The following ZFPM2 variants were observed in gnomAD, a reference collection of about 807,000 sequenced individuals.
ZFPM2 encodes zinc finger protein ZFPM2.
ZFPM2 carries 20 observed loss-of-function variants against 98.6 expected under a neutral mutation model. That is an observed-to-expected ratio of 0.20 (90% CI 0.14 to 0.29). The LOEUF (loss-of-function observed/expected upper bound fraction) is 0.29, where lower values mean the gene tolerates loss of function less well. ZFPM2 is among the 10% of genes least tolerant of loss of function. ZFPM2 has a pLI of 1.00. For synonymous variants in ZFPM2, 518 were observed against 502.7 expected (o/e 1.03, Z -0.41); for missense variants, 1,310 against 1,388.6 (o/e 0.94, Z 0.90).
chr8:105,709,742 A>T (rs1292020483), intron 5 of ZFPM2, among the ~76,000 whole-genome samples: 1 of 152,062 alleles, frequency 6.6e-6, no homozygotes, highest in East Asian at 1.9e-4. Context: ...TAAAGAAAAA[A>T]ATTTTAGGAA....
intron 1 of ZFPM2, among the ~76,000 whole-genome samples, chr8:105,412,397 A>G (rs1391222083): frequency 1.3e-5 from 2 of 151,890 alleles, no homozygotes; most frequent in Admixed American, 1.3e-4. Context: ...CAGTTGGTAC[A>G]GATATAAAAA....
At chr8:105,510,960 C>T (rs891369448) in intron 3 of ZFPM2, among the ~76,000 whole-genome samples, 9 of 152,142 alleles carry the variant, frequency 5.9e-5, no homozygotes, top group Admixed American at 5.2e-4. Context: ...CTTCAGAGTG[C>T]TTGGGTATCT....
intron 5 of ZFPM2, among the ~76,000 whole-genome samples, chr8:105,750,323 GGTGTGGT>G (rs1812447642): frequency 6.6e-6 from 1 of 151,764 alleles, no homozygotes; most frequent in East Asian, 1.9e-4. Context: ...TGCCTCCAAG[GGTGTGGT>G]CTTAGTTAAT....
At chr8:105,644,326 G>A (rs1229947590) in intron 5 of ZFPM2, among the ~76,000 whole-genome samples, 2 of 147,432 alleles carry the variant, frequency 1.4e-5, no homozygotes, top group Admixed American at 6.8e-5. Flanking sequence ...TGCCATGTTG[G>A]CCAGGCTGGG....
chr8:105,587,319 A>G (rs1298662740), intron 4 of ZFPM2, among the ~76,000 whole-genome samples: 3 of 149,894 alleles, frequency 2.0e-5, no homozygotes, highest in Non-Finnish European at 1.5e-5. Flanking sequence ...TAACAGTCTT[A>G]GAGATGAATG....
chr8:105,521,265 G>C (rs1188479518), intron 3 of ZFPM2, among the ~76,000 whole-genome samples: 1 of 151,946 alleles, frequency 6.6e-6, no homozygotes, highest in East Asian at 1.9e-4. Context: ...GCAATTTCTA[G>C]AAGATGGAAA....
intron 5 of ZFPM2, among the ~76,000 whole-genome samples, chr8:105,650,803 G>T (rs909214434): frequency 6.6e-6 from 1 of 152,124 alleles, no homozygotes; most frequent in Non-Finnish European, 1.5e-5. Flanking sequence ...CCAACTATGT[G>T]GTCAATTTTG....
intron 4 of ZFPM2, among the ~76,000 whole-genome samples, chr8:105,585,459 G>A (rs1815691329): frequency 2.0e-5 from 3 of 152,192 alleles, no homozygotes; most frequent in African/African-American, 7.2e-5. Flanking sequence ...TAGTATATGT[G>A]CTCTGAGTAG....
At chr8:105,389,680 T>C (rs1811071598) in intron 1 of ZFPM2, among the ~76,000 whole-genome samples, 1 of 152,210 alleles carries the variant, frequency 6.6e-6, no homozygotes, top group African/African-American at 2.4e-5. Flanking sequence ...TTGTAGAGTC[T>C]GTGGTGCTTT....
At chr8:105,629,077 G>A (rs1816711248) in intron 4 of ZFPM2, among the ~76,000 whole-genome samples, 1 of 152,142 alleles carries the variant, frequency 6.6e-6, no homozygotes, top group Non-Finnish European at 1.5e-5. Flanking sequence ...TAAAGCATCT[G>A]GCTGCTTCCT....
At chr8:105,510,017 A>G (rs1318365694) in intron 3 of ZFPM2, among the ~76,000 whole-genome samples, 1 of 152,106 alleles carries the variant, frequency 6.6e-6, no homozygotes, top group South Asian at 2.1e-4. Context: ...CATCAGATAT[A>G]TATATATTAT....
intron 5 of ZFPM2, chr8:105,780,504 C>CGTTA (rs1813215647): frequency 6.6e-6 from 1 of 152,208 alleles, no homozygotes; most frequent in South Asian, 2.1e-4. Flanking sequence ...GACGCTCAGT[C>CGTTA]GTTACATCAT....
At chr8:105,404,593 TTAAA>T (rs1394195883) in intron 1 of ZFPM2, among the ~76,000 whole-genome samples, 1 of 152,110 alleles carries the variant, frequency 6.6e-6, no homozygotes, top group Non-Finnish European at 1.5e-5. Context: ...TCGAGTCATG[TTAAA>T]TAGTCAATTA....
chr8:105,503,897 G>T (rs1813645759), intron 3 of ZFPM2, among the ~76,000 whole-genome samples: 1 of 152,164 alleles, frequency 6.6e-6, no homozygotes, highest in African/African-American at 2.4e-5. Context: ...TGCAGTAGAA[G>T]AATTTTAAGG....
intron 3 of ZFPM2, among the ~76,000 whole-genome samples, chr8:105,461,963 A>G (rs1276922085): frequency 6.6e-6 from 1 of 152,076 alleles, no homozygotes; most frequent in African/African-American, 2.4e-5. Flanking sequence ...GCTCTTCTTG[A>G]TTGTCGCACT....
chr8:105,605,951 G>A (rs999961339), intron 4 of ZFPM2, among the ~76,000 whole-genome samples: 3 of 151,988 alleles, frequency 2.0e-5, no homozygotes, highest in Non-Finnish European at 4.4e-5. Flanking sequence ...TGAGTGCTGA[G>A]GTCTGCAGCA....
chr8:105,403,345 CTGT>C (rs1332899118), intron 1 of ZFPM2, among the ~76,000 whole-genome samples: 1 of 151,968 alleles, frequency 6.6e-6, no homozygotes, highest in African/African-American at 2.4e-5. Context: ...TCTTTTCGAT[CTGT>C]TGTTATTATT....
At chr8:105,549,037 A>G (rs552946328) in intron 3 of ZFPM2, among the ~76,000 whole-genome samples, 5 of 152,292 alleles carry the variant, frequency 3.3e-5, no homozygotes, top group East Asian at 1.9e-4. Context: ...TTGTAGGTCT[A>G]TTGATCACAC....
chr8:105,581,855 A>C (rs986509047), intron 4 of ZFPM2, among the ~76,000 whole-genome samples: 3 of 152,188 alleles, frequency 2.0e-5, no homozygotes, highest in African/African-American at 7.2e-5. Flanking sequence ...TCTATTAATG[A>C]TAATTACTCA....
Sources: gnomAD v4.1 joint callset for allele counts (sites outside exome capture counted in the v4.1 genomes callset) on GRCh38, gnomAD v4.1.1 for gene constraint, MANE v1.5 for transcripts, NCBI Gene and HGNC (gene_info 2026-07-23, HGNC 2026-07-21) for gene names.